Variants in CCSER1 observed in about 807,000 individuals in gnomAD.
CCSER1 encodes the protein serine-rich coiled-coil domain-containing protein 1.
A neutral mutation model predicts 82.0 loss-of-function variants in CCSER1; 41 were observed. The observed-to-expected ratio is 0.50, with a 90% CI of 0.39 to 0.65. CCSER1 has a LOEUF of 0.65. CCSER1 is among the 30% of genes least tolerant of loss of function. CCSER1 has a pLI of 0.00. For missense variants in CCSER1, 1,119 were observed against 1,064.2 expected (o/e 1.05, Z -0.72); for synonymous variants, 414 against 383.9 (o/e 1.08, Z -0.92).
At chr4:91,080,456 G>A (rs1722583392) in intron 9 of CCSER1, among the ~76,000 whole-genome samples, 1 of 152,156 alleles carries the variant, frequency 6.6e-6, no homozygotes, top group Admixed American at 6.5e-5. Flanking sequence ...ATGCCCATAA[G>A]AGAAAGCAGG....
At chr4:90,960,185 A>T (rs771012839) in intron 9 of CCSER1, among the ~76,000 whole-genome samples, 43 of 144,506 alleles carry the variant, frequency 3.0e-4, no homozygotes, top group Non-Finnish European at 5.4e-4. Flanking sequence ...CATTTTTTTT[A>T]AAAAAAGGAT....
rs550491185 is a variant in CCSER1 at position 90,276,319 on chromosome 4, T to C, written c.-41-31925T>C. On this transcript the variant is annotated intron_variant, in intron 1 of 10. Transcript: ENST00000509176. ...CCTTCCTTCCTTCCTTTCTTTCTTT[T>C]TCTTTCTTTCTTTCTTTCTTCTTTC... 4.9e-3 allele frequency among the ~76,000 whole-genome samples: 651 copies of C among 131,882 alleles called. 14 individuals carry two copies. The highest frequency in any genetic ancestry group is 0.021 in the African/African-American group (616 of 29,158). 86.5% of individuals were successfully genotyped at this position (131,882 alleles called of 152,430 possible). A position where few individuals can be genotyped will look rare whatever the true frequency, so the allele number is the denominator to read the frequency against.
intron 10 of CCSER1, among the ~76,000 whole-genome samples, chr4:91,286,655 C>G (rs932167058): frequency 1.3e-5 from 2 of 150,324 alleles, no homozygotes; most frequent in African/African-American, 4.8e-5. Context: ...ATTCAAAATA[C>G]AAGAACTGAT....
chr4:90,965,650 A>G (rs1325546176), intron 9 of CCSER1, among the ~76,000 whole-genome samples: 1 of 152,166 alleles, frequency 6.6e-6, no homozygotes, highest in Admixed American at 6.5e-5. Flanking sequence ...CATTAAAAAA[A>G]GATGACACCA....
intron 7 of CCSER1, among the ~76,000 whole-genome samples, chr4:90,774,364 T>G (rs1752621051): frequency 6.6e-6 from 1 of 152,112 alleles, no homozygotes; most frequent in South Asian, 2.1e-4. Context: ...TATCTGTGGG[T>G]GTATTATTCT....
At chr4:90,608,015 C>T (rs935755669) in intron 5 of CCSER1, among the ~76,000 whole-genome samples, 4 of 152,134 alleles carry the variant, frequency 2.6e-5, no homozygotes, top group Admixed American at 2.0e-4. Flanking sequence ...ATGTTGACTC[C>T]TCACATTTCC....
intron 9 of CCSER1, among the ~76,000 whole-genome samples, chr4:91,001,794 A>G (rs980012791): frequency 3.3e-5 from 5 of 152,248 alleles, no homozygotes; most frequent in African/African-American, 1.2e-4. Flanking sequence ...TCCATTCATC[A>G]TGCTATTTGT....
chr4:90,425,870 A>G (rs1757451275), intron 4 of CCSER1, among the ~76,000 whole-genome samples: 1 of 151,932 alleles, frequency 6.6e-6, no homozygotes, highest in South Asian at 2.1e-4. Context: ...CTAGGATTCT[A>G]GTAACAAATA....
At chr4:90,402,924 C>T (rs560356126) in intron 4 of CCSER1, among the ~76,000 whole-genome samples, 17 of 152,106 alleles carry the variant, frequency 1.1e-4, no homozygotes, top group South Asian at 2.1e-4. Context: ...ACCAGGGTAC[C>T]TGATGAATCA....
intron 6 of CCSER1, among the ~76,000 whole-genome samples, chr4:90,718,583 C>G (rs111978236): frequency 0.015 from 2,257 of 152,202 alleles, 52 homozygotes; most frequent in African/African-American, 0.049. Context: ...AATTTAACAT[C>G]AGCTTTTCTG....
chr4:91,578,862 G>A (rs1366695227), intron 10 of CCSER1, among the ~76,000 whole-genome samples: 1 of 151,910 alleles, frequency 6.6e-6, no homozygotes, highest in African/African-American at 2.4e-5. Flanking sequence ...TATGTTTACA[G>A]AAGTACCCAC....
At chr4:91,146,580 C>CTTCTTT (rs3971344) in intron 10 of CCSER1, among the ~76,000 whole-genome samples, 1 of 149,476 alleles carries the variant, frequency 6.7e-6, no homozygotes, top group African/African-American at 2.5e-5. Context: ...TTATCTTCTT[C>CTTCTTT]TTTTTTTTTT....
At chr4:91,185,464 T>C (rs1006716068) in intron 10 of CCSER1, among the ~76,000 whole-genome samples, 3 of 152,200 alleles carry the variant, frequency 2.0e-5, no homozygotes, top group African/African-American at 7.2e-5. Context: ...GTTAGGGACC[T>C]TTTGTGGGGG....
chr4:90,140,367 G>A (rs1724514355), intron 1 of CCSER1, among the ~76,000 whole-genome samples: 1 of 152,156 alleles, frequency 6.6e-6, no homozygotes, highest in South Asian at 2.1e-4. Flanking sequence ...ACTCCTTAGG[G>A]ACCAGAAGTG....
chr4:90,721,685 G>T (rs1282587516), intron 6 of CCSER1, among the ~76,000 whole-genome samples: 1 of 151,490 alleles, frequency 6.6e-6, no homozygotes, highest in East Asian at 1.9e-4. Flanking sequence ...ATGAAATATG[G>T]ATAAGACTTA....
chr4:90,215,993 A>C (rs1644403374), intron 1 of CCSER1, among the ~76,000 whole-genome samples: 1 of 152,068 alleles, frequency 6.6e-6, no homozygotes, highest in Non-Finnish European at 1.5e-5. Context: ...TATCTAATGA[A>C]TTCCGCTCAC....
At chr4:90,328,460 A>G (rs963711689) in intron 3 of CCSER1, among the ~76,000 whole-genome samples, 1 of 152,052 alleles carries the variant, frequency 6.6e-6, no homozygotes, top group Non-Finnish European at 1.5e-5. Flanking sequence ...CACTTTGGAG[A>G]AGCAGCAATT....
chr4:90,845,695 TGTTA>T (rs1431698828), intron 8 of CCSER1, among the ~76,000 whole-genome samples: 2 of 152,156 alleles, frequency 1.3e-5, no homozygotes, highest in East Asian at 3.8e-4. Flanking sequence ...TAAATATATT[TGTTA>T]GTTAGTGCTT....
intron 10 of CCSER1, among the ~76,000 whole-genome samples, chr4:91,417,014 A>T (rs1753405317): frequency 6.6e-6 from 1 of 152,168 alleles, no homozygotes; most frequent in African/African-American, 2.4e-5. Flanking sequence ...ACAAGAAAAA[A>T]ACTGAACAAC....
Sources: gnomAD v4.1 joint callset for allele counts (sites outside exome capture counted in the v4.1 genomes callset) on GRCh38, gnomAD v4.1.1 for gene constraint, MANE v1.5 for transcripts, NCBI Gene and HGNC (gene_info 2026-07-23, HGNC 2026-07-21) for gene names.